WDR17: variants seen among roughly 807,000 people sequenced by gnomAD.
The protein encoded by WDR17 is WD repeat domain 17.
Under a neutral mutation model 161.7 loss-of-function variants are expected in WDR17, and 143 were observed. That is an observed-to-expected ratio of 0.88 (90% confidence interval 0.77 to 1.02). The LOEUF is 1.02. WDR17 is among the 50% of genes least tolerant of loss of function. The pLI, the probability that WDR17 is intolerant of heterozygous loss-of-function variation, is 0.00. For synonymous variants in WDR17, 517 were observed against 515.6 expected (o/e 1.00, Z -0.04); for missense variants, 1,469 against 1,520.9 (o/e 0.97, Z 0.57).
rs762690874 is a variant in WDR17 at position 176,168,709 on chromosome 4, A to G, written c.3028A>G (p.Asn1010Asp). The G allele has an allele frequency of 5.6e-6, 9 of 1,613,566 alleles. No homozygotes were observed. The South Asian group carries it at 7.7e-5, about 14-fold the overall frequency. The change falls in exon 23 of 29, where the codon AAT becomes GAT. Residue 1010 changes from asparagine to aspartate, a missense_variant. Transcript: ENST00000508596. ...TGATCTTCTTCTGATGATTCCTGAT[A>G]ATGAACTACATTTAATAAAACTCTG... is the stretch of plus-strand genomic sequence containing the variant. ...AADLLLMIPDNELHLIKLCAF... is the reference protein window; with the variant it reads ...AADLLLMIPDDELHLIKLCAF...
chr4:176,131,833 T>C (rs943151802), intron 7 of WDR17, 95 bp downstream of exon 7: 1 of 1,020,848 alleles, frequency 9.8e-7, no homozygotes, highest in African/African-American at 1.7e-5. Flanking sequence ...TTGAAATTAT[T>C]TTTGTAAGTA....
At position 176,119,896 on chromosome 4, in the gene WDR17, A is replaced by G; in HGVS notation, c.337A>G (p.Asn113Asp). 1 of 1,614,106 alleles carries G rather than the reference A, an allele frequency of 6.2e-7. No homozygotes were observed. The highest frequency in any genetic ancestry group is 1.7e-5 in the Admixed American group (1 of 60,018). ...CCCTGCTTCTCTTAGTTGGTGCTGG[A>G]ATGCAGAGGATGTGGTGGCATTTGT... The part of the protein sequence containing the change: ...GIPASLSWCW[N>D]AEDVVAFVSH... Residue 113 changes from asparagine (N) to aspartate (D), a missense_variant, in exon 4 of 29, where the codon AAT (asparagine) becomes GAT (aspartate). Coordinates refer to ENST00000508596, the MANE Select transcript of WDR17 (RefSeq NM_181265.4).
chr4:176,118,418 A>C (rs542422986), intron 3 of WDR17, among the ~76,000 whole-genome samples: 1 of 152,312 alleles, frequency 6.6e-6, no homozygotes, highest in Admixed American at 6.5e-5. Context: ...CTAAAACCAT[A>C]TCAACTATTT....
chr4:176,152,175 G>A (rs1230042345), intron 17 of WDR17, among the ~76,000 whole-genome samples: 12 of 151,412 alleles, frequency 7.9e-5, no homozygotes, highest in African/African-American at 2.9e-4. Context: ...GACAGGCATG[G>A]TGGTGTGCAC....
Position 176,180,907 on chromosome 4 carries a change from A to G in WDR17, c.*1328A>G, listed in dbSNP as rs1033699393. The G allele has an allele frequency of 2.6e-5, 4 of 152,184 alleles. No individual in the cohort carries two copies. The highest frequency in any genetic ancestry group is 5.9e-5 in the Non-Finnish European group (4 of 68,026). The allele number at this position is 152,184 out of a possible 1,614,324, so 9.4% of individuals were successfully genotyped here. On this transcript the variant is annotated 3_prime_UTR_variant, in exon 29 of 29. Transcript: ENST00000508596. ...CAGTTGGACTAGAATTCTGACTTTG[A>G]AACTTATTAAATTAATGCATACTGG...
chr4:176,072,216 G>A (rs1457519411), intron 1 of WDR17, among the ~76,000 whole-genome samples: 4 of 152,234 alleles, frequency 2.6e-5, no homozygotes, highest in African/African-American at 7.2e-5. Flanking sequence ...ACTCAAGCAT[G>A]TGAAAGGTAA....
chr4:176,093,850 A>T (rs1736444952), intron 1 of WDR17, among the ~76,000 whole-genome samples: 1 of 152,198 alleles, frequency 6.6e-6, no homozygotes, highest in South Asian at 2.1e-4. Flanking sequence ...GTACAACAAC[A>T]AAAGTATTTT....
chr4:176,160,205 A>C, intron 19 of WDR17, 79 bp downstream of exon 19: 2 of 1,520,058 alleles, frequency 1.3e-6, no homozygotes, highest in South Asian at 1.3e-5. Context: ...TGACTGGCTC[A>C]CCCTTACATA....
Position 176,150,192 on chromosome 4 carries a change from A to T in WDR17, c.2178+19A>T. 6.2e-7 allele frequency: 1 copy of T among 1,607,920 alleles called. No homozygotes were observed. The highest frequency in any genetic ancestry group is 8.5e-7 in the Non-Finnish European group (1 of 1,177,986). ...TTTATCTGTAAGTATTACAGGAATT[A>T]AATGCGAATATTTTCCCTTTAGCCA... On this transcript the variant is annotated intron_variant, in intron 15 of 28. Transcript: ENST00000508596.
intron 5 of WDR17, among the ~76,000 whole-genome samples, chr4:176,128,480 G>A (rs1382914855): frequency 6.6e-6 from 1 of 152,076 alleles, no homozygotes; most frequent in Non-Finnish European, 1.5e-5. Flanking sequence ...GGTCTTTATT[G>A]GAGGAAGCTG....
chr4:176,162,004 TAA>T, intron 20 of WDR17, 69 bp from the exon 21 acceptor site: 1 of 1,291,052 alleles, frequency 7.7e-7, no homozygotes, highest in Non-Finnish European at 1.1e-6. Context: ...TCATACCTTT[TAA>T]AAAGTATTAG....
At chr4:176,120,288 TTATATATA>T (rs33940735) in intron 4 of WDR17, among the ~76,000 whole-genome samples, 191 bp downstream of exon 4, 22 of 136,512 alleles carry the variant, frequency 1.6e-4, no homozygotes, top group East Asian at 4.2e-4. Context: ...ATTTGAAGTT[TTATATATA>T]TATATATATA....
chr4:176,091,412 T>A (rs1414020001), intron 1 of WDR17, among the ~76,000 whole-genome samples: 1 of 152,074 alleles, frequency 6.6e-6, no homozygotes, highest in Admixed American at 6.6e-5. Flanking sequence ...GGTTAATGGA[T>A]AAATTAAAGA....
intron 13 of WDR17, 124 bp downstream of exon 13, chr4:176,148,459 C>T (rs1039263322): frequency 1.2e-6 from 1 of 850,836 alleles, no homozygotes. Context: ...TAACATTTTT[C>T]ACATTAGAAA....
chr4:176,122,235 T>C (rs902962372), intron 4 of WDR17, among the ~76,000 whole-genome samples: 11 of 152,168 alleles, frequency 7.2e-5, no homozygotes, highest in Non-Finnish European at 1.2e-4. Flanking sequence ...TGCATGTCTC[T>C]GTGACAAAAT....
chr4:176,100,598 A>G (rs1737663515), intron 1 of WDR17, among the ~76,000 whole-genome samples: 1 of 152,078 alleles, frequency 6.6e-6, no homozygotes, highest in South Asian at 2.1e-4. Context: ...ATTAAGTCCC[A>G]TTTATCTATT....
chr4:176,148,246 C>G lies in WDR17; in HGVS notation c.1808C>G (p.Ser603Cys). ...WNTEIPYLLI[S>C]GSWDYTIKVW... The stretch of plus-strand genomic sequence containing the variant: ...ACTGAGATTCCATATCTGCTCATAT[C>G]TGGCAGCTGGGACTATACTATAAAA... Residue 603 changes from serine to cysteine, a missense_variant, in exon 13 of 29, where the codon TCT (serine) becomes TGT (cysteine). Physicochemically the swap from Ser to Cys is moderately radical, Grantham distance 112. Transcript: ENST00000508596. 6.2e-7 allele frequency: 1 copy of G among 1,613,994 alleles called. No homozygotes were observed. Among genetic ancestry groups the G allele is most frequent in the South Asian group, 1.1e-5 (1 of 91,076 alleles).
At chr4:176,101,786 C>T (rs772474233) in intron 1 of WDR17, among the ~76,000 whole-genome samples, 1 of 151,902 alleles carries the variant, frequency 6.6e-6, no homozygotes, top group African/African-American at 2.4e-5. Flanking sequence ...CAAAGATAGT[C>T]TTTTCAACAA....
chr4:176,151,279 C>T (rs1747061787), intron 16 of WDR17, among the ~76,000 whole-genome samples: 1 of 152,058 alleles, frequency 6.6e-6, no homozygotes. Flanking sequence ...TTACTAGAGG[C>T]CTGTCTGTAC....
Sources: allele counts gnomAD v4.1 joint callset (sites outside exome capture counted in the v4.1 genomes callset), GRCh38; gene constraint gnomAD v4.1.1; transcripts MANE v1.5; gene names NCBI Gene and HGNC (gene_info 2026-07-23, HGNC 2026-07-21).